Variants in C4orf50 observed in about 807,000 individuals in gnomAD.
C4orf50 encodes chromosome 4 open reading frame 50, also known as uncharacterized protein C4orf50.
C4orf50 carries 80 observed loss-of-function variants against 77.2 expected under a neutral mutation model. That is an observed-to-expected ratio of 1.04 (90% CI 0.87 to 1.25). The LOEUF is 1.25. C4orf50 is among the 50% of genes most tolerant of loss of function. C4orf50 has a pLI of 0.00. For synonymous variants in C4orf50, 532 were observed against 465.3 expected, an observed-to-expected ratio of 1.14 and a Z score of -1.84; for missense variants, 1,257 against 1,152.9, an observed-to-expected ratio of 1.09 and a Z score of -1.31.
chr4:6,011,915 A>G lies in C4orf50; in HGVS notation c.341T>C (p.Leu114Pro). The G allele has an allele frequency of 2.5e-6, 1 of 399,050 alleles. No individual in the cohort carries two copies. Among genetic ancestry groups the G allele is most frequent in the Non-Finnish European group, 4.4e-6 (1 of 226,076 alleles). 24.7% of individuals were successfully genotyped at this position (399,050 alleles called of 1,614,324 possible). Reference sequence around the variant, plus strand: ...TCTCTCCTGGGCCACGTGGGTGCTCAGCTGGTCCACCTTCCGGAGGAGTTT... The same window carrying G: ...TCTCTCCTGGGCCACGTGGGTGCTCGGCTGGTCCACCTTCCGGAGGAGTTT... Residue 114 changes from leucine to proline, a missense_variant, in exon 24 of 34, where the codon CTG (leucine) becomes CCG (proline). Physicochemically the swap from Leu to Pro is moderately conservative, Grantham distance 98 (BLOSUM62 -3). Coordinates refer to ENST00000531445, the Ensembl canonical transcript of C4orf50. This position sits in a 1 kb window ranked among gnomAD's most constrained non-coding sequence, Gnocchi z 4.2.
chr4:5,938,581 G>A (rs192048486), intron 7 of C4orf50, among the ~76,000 whole-genome samples: 8 of 105,944 alleles, frequency 7.6e-5, no homozygotes, highest in African/African-American at 2.5e-4. Context: ...CCCTTGAACA[G>A]GCCATTTTTT....
chr4:6,014,071 C>T (rs1322698501), intron 23 of C4orf50, among the ~76,000 whole-genome samples: 4 of 150,724 alleles, frequency 2.7e-5, no homozygotes, highest in African/African-American at 7.3e-5. Context: ...GGCGTGATCT[C>T]GGCTCACCAC....
exon 29 of C4orf50, chr4:5,980,335 G>A (rs187397150): frequency 1.1e-5 from 18 of 1,608,828 alleles, no homozygotes; most frequent in African/African-American, 2.7e-5. Flanking sequence ...TCTGAGTCCC[G>A]GAGCTGCGGA....
chr4:6,008,588 C>A lies in C4orf50; in HGVS notation c.427-56G>T. 1 of 396,636 alleles carries A rather than the reference C, an allele frequency of 2.5e-6. No homozygotes were observed. Among genetic ancestry groups the A allele is most frequent in the South Asian group, 1.3e-4 (1 of 7,786 alleles). The allele number at this position is 396,636 out of a possible 1,614,324, so 24.6% of individuals were successfully genotyped here. On this transcript the variant is annotated intron_variant, in intron 24 of 33. Coordinates refer to ENST00000531445, the Ensembl canonical transcript of C4orf50. This position sits in a 1 kb window ranked among gnomAD's most constrained non-coding sequence, Gnocchi z 6.0. ...CAAGCCCAAAGGACACACCATGGTTCACATTGGTCCTGTCTTGACTTAACA... is the reference window on the plus strand; with the variant it reads ...CAAGCCCAAAGGACACACCATGGTTAACATTGGTCCTGTCTTGACTTAACA...
chr4:5,983,672 G>C (rs1318436650), intron 28 of C4orf50, among the ~76,000 whole-genome samples: 7 of 152,162 alleles, frequency 4.6e-5, no homozygotes, highest in African/African-American at 1.7e-4. Context: ...AACAAGGCAG[G>C]CTCCACATTT....
In C4orf50 at chr4:6,008,415, G is replaced by A. The variant is rs1486331822; in HGVS notation, c.544C>T (p.Arg182Trp). The change falls in exon 25 of 34, where the codon CGG becomes TGG. Residue 182 changes from arginine to tryptophan, a missense_variant. Coordinates refer to ENST00000531445, the Ensembl canonical transcript of C4orf50. This position sits in a 1 kb window ranked among gnomAD's most constrained non-coding sequence, Gnocchi z 6.0. ...AGGCCCAGCTGGCGCCGCTGGGTCC[G>A]CCGGCAGCGCTCCAGGGCCGCCGCC... The A allele has an allele frequency of 1.8e-5, 7 of 394,898 alleles. No homozygotes were observed. In the South Asian group the frequency reaches 3.8e-4, roughly 22 times the overall value. 24.5% of individuals were successfully genotyped at this position (394,898 alleles called of 1,614,324 possible). A position where few individuals can be genotyped will look rare whatever the true frequency, so the allele number is the denominator to read the frequency against.
intron 29 of C4orf50, among the ~76,000 whole-genome samples, chr4:5,977,187 T>C (rs11935569): frequency 0.2 from 30,354 of 152,152 alleles, 3,196 homozygotes; most frequent in African/African-American, 0.27. Context: ...TCATGCCCAC[T>C]GATCCCCTGG....
intron 7 of C4orf50, among the ~76,000 whole-genome samples, chr4:5,921,408 C>T (rs771003541): frequency 3.4e-4 from 51 of 152,236 alleles, no homozygotes; most frequent in Non-Finnish European, 6.6e-4. Context: ...TATATACACA[C>T]ATGCGTGTCT....
intron 7 of C4orf50, among the ~76,000 whole-genome samples, chr4:5,924,777 A>C (rs535858317): frequency 6.6e-6 from 1 of 152,324 alleles, no homozygotes; most frequent in East Asian, 1.9e-4. Flanking sequence ...TTATAGAGGA[A>C]GATGCCAAGT....
At chr4:5,989,058 A>G in exon 28 of C4orf50, 1 of 1,536,058 alleles carries the variant, frequency 6.5e-7, no homozygotes, top group South Asian at 1.2e-5. Context: ...TTGCCTGTAA[A>G]TATTGATCCA....
At chr4:5,943,203 C>A (rs1446390870) in intron 7 of C4orf50, among the ~76,000 whole-genome samples, 1 of 152,186 alleles carries the variant, frequency 6.6e-6, no homozygotes, top group Admixed American at 6.5e-5. Flanking sequence ...TGCTACGTGT[C>A]CGTTAGGCAC....
intron 28 of C4orf50, 56 bp downstream of exon 6, chr4:5,988,291 G>A: frequency 1.3e-6 from 2 of 1,571,300 alleles, no homozygotes; most frequent in Non-Finnish European, 1.7e-6. Flanking sequence ...TGAATGGGGT[G>A]GCCCCCGGAA....
rs913923024 is a variant in C4orf50 at position 6,015,988 on chromosome 4, T to C, written c.287+2157A>G. Among the ~76,000 whole-genome samples, 1 of 152,142 alleles carries C rather than the reference T, an allele frequency of 6.6e-6. No individual in the cohort carries two copies. Among genetic ancestry groups the C allele is most frequent in the African/African-American group, 2.4e-5 (1 of 41,426 alleles). On this transcript the variant is annotated intron_variant, in intron 23 of 33. Coordinates refer to ENST00000531445, the Ensembl canonical transcript of C4orf50. This position sits in a 1 kb window ranked among gnomAD's most constrained non-coding sequence, Gnocchi z 4.4. Reference sequence around the variant, plus strand: ...GCGTGAGTGTGCGCGTGGGTGTGAGTGTCCTGTTCAGGCCTTGCACCCTGA... The same window carrying C: ...GCGTGAGTGTGCGCGTGGGTGTGAGCGTCCTGTTCAGGCCTTGCACCCTGA...
At chr4:5,988,758 G>T in exon 28 of C4orf50, 1 of 1,536,058 alleles carries the variant, frequency 6.5e-7, no homozygotes, top group Non-Finnish European at 8.7e-7. Flanking sequence ...CCAGGACATG[G>T]ACCCTGCGTA....
Position 6,007,792 on chromosome 4 carries a change from G to A in C4orf50, c.963+204C>T, listed in dbSNP as rs894650827. On this transcript the variant is annotated intron_variant, in intron 25 of 33. Transcript: ENST00000531445. This position sits in a 1 kb window ranked among gnomAD's most constrained non-coding sequence, Gnocchi z 4.1. ...GGTGGATGGGTAATGAGGTGGGCGTGCACTGAATGAGTATGTGAGGTTAGA... is the reference window on the plus strand; with the variant it reads ...GGTGGATGGGTAATGAGGTGGGCGTACACTGAATGAGTATGTGAGGTTAGA... Among the ~76,000 whole-genome samples the A allele has an allele frequency of 3.3e-5, 4 of 122,468 alleles. No individual in the cohort carries two copies. Among genetic ancestry groups the A allele is most frequent in the Non-Finnish European group, 6.5e-5 (4 of 61,828 alleles). 80.3% of individuals were successfully genotyped at this position (122,468 alleles called of 152,430 possible).
At chr4:5,988,317 T>A (rs1262584679) in intron 28 of C4orf50, 30 bp downstream of exon 6, 3 of 1,603,868 alleles carry the variant, frequency 1.9e-6, no homozygotes, top group African/African-American at 2.7e-5. Flanking sequence ...TCATGCGTGA[T>A]GAGTAAGCAG....
At chr4:5,899,338 C>G (rs1023491598) in intron 7 of C4orf50, 1 of 152,224 alleles carries the variant, frequency 6.6e-6, no homozygotes, top group Non-Finnish European at 1.5e-5. Context: ...CAACTGCACC[C>G]AAGAGATTCA....
intron 25 of C4orf50, among the ~76,000 whole-genome samples, chr4:6,004,396 ATGG>A (rs1722133739): frequency 9.8e-6 from 1 of 102,148 alleles, no homozygotes; most frequent in Non-Finnish European, 2.1e-5. Context: ...GATGGTGGTG[ATGG>A]TGATGGAGAT....
chr4:5,923,669 C>G lies in C4orf50; in HGVS notation c.*2475-25481G>C, dbSNP rs569187781. Reference sequence around the variant, plus strand: ...TGGGAGGCTGTGTGGTCACTCCTAACCCAGCCCCTCCCACAAATTTCCTTC... The same window carrying G: ...TGGGAGGCTGTGTGGTCACTCCTAAGCCAGCCCCTCCCACAAATTTCCTTC... On this transcript the variant is annotated intron_variant, in intron 7 of 7. Transcript: ENST00000324058. Among the ~76,000 whole-genome samples the G allele has an allele frequency of 3.9e-5, 6 of 152,328 alleles. No homozygotes were observed. The South Asian group carries it at 1.2e-3, about 32-fold the overall frequency.
Sources: allele counts gnomAD v4.1 joint callset (sites outside exome capture counted in the v4.1 genomes callset), GRCh38; gene constraint gnomAD v4.1.1; non-coding constraint Gnocchi (gnomAD v3.1); transcripts MANE v1.5; gene names NCBI Gene and HGNC (gene_info 2026-07-23, HGNC 2026-07-21).